UBE2F: variants seen among roughly 807,000 people sequenced by gnomAD.
The protein encoded by UBE2F is NEDD8-conjugating enzyme UBE2F.
Under a neutral mutation model 29.6 loss-of-function variants are expected in UBE2F, and 5 were observed. The observed-to-expected ratio is 0.17, with a 90% CI of 0.09 to 0.36. UBE2F has a LOEUF of 0.36. Ranked by LOEUF, UBE2F falls within the 10% of genes least tolerant of loss-of-function variation. UBE2F has a pLI of 1.00. For synonymous variants in UBE2F, 66 were observed against 81.8 expected, an observed-to-expected ratio of 0.81 and a Z score of 1.04; for missense variants, 141 against 228.5, an observed-to-expected ratio of 0.62 and a Z score of 2.47.
intron 3 of UBE2F, among the ~76,000 whole-genome samples, chr2:237,993,995 A>C (rs2063639984): frequency 6.6e-6 from 1 of 152,218 alleles, no homozygotes; most frequent in South Asian, 2.1e-4. Context: ...CCAATAAAGC[A>C]AGCTGATTTA....
intron 4 of UBE2F, among the ~76,000 whole-genome samples, chr2:238,007,428 T>A (rs765461894): frequency 2.6e-5 from 4 of 152,196 alleles, no homozygotes; most frequent in Non-Finnish European, 4.4e-5. Flanking sequence ...GGCCTTGCTA[T>A]AGGGTTTTTG....
Position 237,967,031 on chromosome 2 carries a change from C to T in UBE2F, c.-118C>T. On this transcript the variant is annotated 5_prime_UTR_variant, in exon 1 of 10. Coordinates refer to ENST00000272930, the MANE Select transcript of UBE2F (RefSeq NM_080678.3). The surrounding 1 kb of genome is among the most constrained non-coding windows in gnomAD (Gnocchi z 6.3). ...GCCCCGCCACTTCCGGTCCCGCCGC[C>T]GGGAGCCGGTGCGGCTGTGAGGGGC... 2.3e-6 allele frequency: 3 copies of T among 1,280,628 alleles called. No homozygotes were observed. Among genetic ancestry groups the T allele is most frequent in the South Asian group, 4.3e-5 (2 of 46,004 alleles). 79.3% of individuals were successfully genotyped at this position (1,280,628 alleles called of 1,614,324 possible). A position where few individuals can be genotyped will look rare whatever the true frequency, so the allele number is the denominator to read the frequency against.
intron 2 of UBE2F, chr2:237,973,692 C>G (rs970776930): frequency 7.7e-7 from 1 of 1,301,700 alleles, no homozygotes; most frequent in African/African-American, 1.5e-5. Flanking sequence ...GTTCTCTTCA[C>G]GGAATTAATA....
chr2:237,997,051 G>A (rs1048621014), intron 4 of UBE2F, among the ~76,000 whole-genome samples: 9 of 151,876 alleles, frequency 5.9e-5, no homozygotes, highest in African/African-American at 1.2e-4. Flanking sequence ...GTGAAACCTC[G>A]TTTCTACTAA....
intron 4 of UBE2F, among the ~76,000 whole-genome samples, chr2:238,007,413 A>C (rs1291237114): frequency 1.3e-5 from 2 of 152,126 alleles, no homozygotes; most frequent in Admixed American, 1.3e-4. Context: ...TGAGCCACTG[A>C]GTCCGGCCTT....
intron 2 of UBE2F, among the ~76,000 whole-genome samples, chr2:237,977,290 C>T (rs1169324824): frequency 1.3e-5 from 2 of 152,192 alleles, no homozygotes; most frequent in Non-Finnish European, 2.9e-5. Flanking sequence ...TTTCCATCCT[C>T]CCCAGGCACT....
At chr2:238,022,013 A>G (rs2064305503) in intron 5 of UBE2F, among the ~76,000 whole-genome samples, 1 of 152,228 alleles carries the variant, frequency 6.6e-6, no homozygotes, top group Non-Finnish European at 1.5e-5. Flanking sequence ...GCAGAGAGGA[A>G]TGCCAGTTGG....
At chr2:238,034,702 A>T (rs886105520) in intron 8 of UBE2F, among the ~76,000 whole-genome samples, 2 of 152,014 alleles carry the variant, frequency 1.3e-5, no homozygotes, top group Non-Finnish European at 2.9e-5. Context: ...GACTATAGAG[A>T]TTTACAGTTT....
chr2:237,977,310 T>C (rs1433093281), intron 2 of UBE2F, among the ~76,000 whole-genome samples: 2 of 152,166 alleles, frequency 1.3e-5, no homozygotes, highest in Non-Finnish European at 2.9e-5. Context: ...TGGTAGCGAT[T>C]AAGTTTCAGA....
chr2:237,969,568 T>C (rs2063130159), intron 1 of UBE2F, among the ~76,000 whole-genome samples: 3 of 152,170 alleles, frequency 2.0e-5, no homozygotes, highest in Non-Finnish European at 4.4e-5. Context: ...ATCTGGTGCG[T>C]CCAGCTGACC....
chr2:238,001,774 T>A (rs545624098), intron 4 of UBE2F, among the ~76,000 whole-genome samples: 1 of 152,092 alleles, frequency 6.6e-6, no homozygotes, highest in Non-Finnish European at 1.5e-5. Context: ...GTGCCGAGAT[T>A]GCGCCACTGC....
chr2:237,998,463 C>T lies in UBE2F; in HGVS notation c.214+3654C>T, dbSNP rs549747941. 2.0e-5 allele frequency among the ~76,000 whole-genome samples: 3 copies of T among 152,210 alleles called. No homozygotes were observed. In the East Asian group the frequency reaches 5.8e-4, roughly 29 times the overall value. ...CACTTAACATAGTTTTAAATTTACA[C>T]ATGTTGTGTGAATCAGTAGTTTATT... is the stretch of plus-strand genomic sequence containing the variant. On this transcript the variant is annotated intron_variant, in intron 4 of 9. Coordinates refer to ENST00000272930, the MANE Select transcript of UBE2F (RefSeq NM_080678.3).
chr2:238,014,230 A>AT (rs757067044), intron 4 of UBE2F, among the ~76,000 whole-genome samples: 20 of 152,232 alleles, frequency 1.3e-4, no homozygotes, highest in Non-Finnish European at 2.5e-4. Context: ...TTCTGGGCAA[A>AT]TTAACAATAA....
Position 238,040,885 on chromosome 2 carries a change from G to A in UBE2F, c.508-403G>A, listed in dbSNP as rs2064823932. On this transcript the variant is annotated intron_variant, in intron 9 of 9. Coordinates refer to ENST00000272930, the MANE Select transcript of UBE2F (RefSeq NM_080678.3). This position sits in a 1 kb window ranked among gnomAD's most constrained non-coding sequence, Gnocchi z 4.4. Reference sequence around the variant, plus strand: ...GCAGCATCCAGGGAAATCATTCTAGGAAGACAAATCCAGAAACAAGGGTCT... The same window carrying A: ...GCAGCATCCAGGGAAATCATTCTAGAAAGACAAATCCAGAAACAAGGGTCT... Among the ~76,000 whole-genome samples, 1 of 152,110 alleles carries A rather than the reference G, an allele frequency of 6.6e-6. No individual in the cohort carries two copies. The highest frequency in any genetic ancestry group is 1.5e-5 in the Non-Finnish European group (1 of 68,006).
intron 6 of UBE2F, among the ~76,000 whole-genome samples, chr2:238,027,017 G>T (rs966807431): frequency 6.6e-6 from 1 of 152,172 alleles, no homozygotes. Flanking sequence ...CTCACTTTCT[G>T]GGGGGCCATA....
intron 4 of UBE2F, among the ~76,000 whole-genome samples, chr2:238,005,918 T>C (rs1208986921): frequency 2.0e-5 from 3 of 152,214 alleles, no homozygotes; most frequent in African/African-American, 7.2e-5. Context: ...ACATACACTT[T>C]AGAATCAGCC....
intron 1 of UBE2F, among the ~76,000 whole-genome samples, chr2:237,970,767 T>A (rs576212963): frequency 3.1e-4 from 47 of 152,310 alleles, no homozygotes; most frequent in Admixed American, 1.8e-3. Flanking sequence ...CAGGCTGGAG[T>A]GCAATGGCAC....
intron 4 of UBE2F, among the ~76,000 whole-genome samples, chr2:238,000,000 T>G (rs1288862328): frequency 6.6e-6 from 1 of 152,084 alleles, no homozygotes; most frequent in African/African-American, 2.4e-5. Flanking sequence ...AATTTTTATA[T>G]TTTTAGTAGA....
chr2:238,026,185 G>A (rs143849417), intron 6 of UBE2F, among the ~76,000 whole-genome samples: 1 of 152,348 alleles, frequency 6.6e-6, no homozygotes, highest in African/African-American at 2.4e-5. Context: ...GCCCGGGGCA[G>A]CTGTGGGACT....
Sources: allele counts gnomAD v4.1 joint callset (sites outside exome capture counted in the v4.1 genomes callset), GRCh38; gene constraint gnomAD v4.1.1; non-coding constraint Gnocchi (gnomAD v3.1); transcripts MANE v1.5; gene names NCBI Gene and HGNC (gene_info 2026-07-23, HGNC 2026-07-21).